The following PTPRD variants were observed in gnomAD, a reference collection of about 807,000 sequenced individuals.
The protein encoded by PTPRD is protein tyrosine phosphatase receptor type D.
PTPRD carries 34 observed loss-of-function variants against 214.5 expected under a neutral mutation model. The observed-to-expected ratio is 0.16, with a 90% CI of 0.12 to 0.21. PTPRD has a LOEUF of 0.21. Among genes scored for constraint, PTPRD ranks in the 10% least tolerant of loss-of-function variants. The pLI is 1.00. For missense variants in PTPRD, 2,545 were observed against 2,398.7 expected (o/e 1.06, Z -1.27); for synonymous variants, 1,128 against 845.7 (o/e 1.33, Z -5.79).
chr9:8,651,420 T>C (rs1041200527), intron 12 of PTPRD, among the ~76,000 whole-genome samples: 6 of 152,180 alleles, frequency 3.9e-5, no homozygotes, highest in African/African-American at 9.7e-5. Flanking sequence ...AGAACTCAAA[T>C]TGATGTTAAT....
intron 36 of PTPRD, among the ~76,000 whole-genome samples, chr9:8,391,336 G>C (rs969601513): frequency 5.9e-5 from 9 of 152,120 alleles, no homozygotes; most frequent in Non-Finnish European, 1.2e-4. Context: ...ACCAGCATTA[G>C]TTGAAAAGCC....
chr9:9,481,128 G>C (rs1381238618), intron 8 of PTPRD, among the ~76,000 whole-genome samples: 1 of 152,136 alleles, frequency 6.6e-6, no homozygotes, highest in Non-Finnish European at 1.5e-5. Context: ...GATGATGACA[G>C]TTAAGTGGTA....
chr9:9,430,260 A>G (rs2082572000), intron 8 of PTPRD, among the ~76,000 whole-genome samples: 1 of 152,106 alleles, frequency 6.6e-6, no homozygotes, highest in Non-Finnish European at 1.5e-5. Flanking sequence ...CACCAATAAC[A>G]GACAAACAGA....
At chr9:9,993,050 T>C (rs4604499) in intron 4 of PTPRD, among the ~76,000 whole-genome samples, 107,047 of 151,812 alleles carry the variant, frequency 0.71, 38,009 homozygotes, top group Middle Eastern at 0.78. Flanking sequence ...GTTAAATACA[T>C]ACTTTAGAAA....
At chr9:9,611,862 TTCTC>T (rs1030328148) in intron 7 of PTPRD, among the ~76,000 whole-genome samples, 2 of 152,128 alleles carry the variant, frequency 1.3e-5, no homozygotes, top group African/African-American at 4.8e-5. Flanking sequence ...GCTATGCTCA[TTCTC>T]TCTCTCATAC....
At chr9:8,676,085 C>T (rs1036816614) in intron 12 of PTPRD, among the ~76,000 whole-genome samples, 2 of 152,194 alleles carry the variant, frequency 1.3e-5, no homozygotes, top group African/African-American at 4.8e-5. Context: ...CAAACTATCT[C>T]CAGGTCCCTG....
intron 11 of PTPRD, among the ~76,000 whole-genome samples, chr9:8,817,851 C>T (rs1368432307): frequency 6.6e-6 from 1 of 151,972 alleles, no homozygotes. Context: ...AGATTTTGCT[C>T]CAAAACATTT....
intron 10 of PTPRD, among the ~76,000 whole-genome samples, chr9:9,054,083 C>A (rs1031985526): frequency 2.0e-5 from 3 of 152,120 alleles, no homozygotes; most frequent in African/African-American, 7.2e-5. Context: ...TATTGAGCTC[C>A]TGGTCCATGC....
At chr9:10,031,639 T>TACAC (rs1227970344) in intron 4 of PTPRD, among the ~76,000 whole-genome samples, 14 of 75,362 alleles carry the variant, frequency 1.9e-4, no homozygotes, top group African/African-American at 1.3e-3. Flanking sequence ...TATATATATA[T>TACAC]ATATATATAC....
intron 14 of PTPRD, among the ~76,000 whole-genome samples, chr9:8,599,613 CTTTTTTTTTTTT>C (rs1172437057): frequency 7.7e-4 from 41 of 53,438 alleles, no homozygotes; most frequent in Admixed American, 1.2e-3. Context: ...CCCGCCCACC[CTTTTTTTTTTTT>C]TTTTTTTTTT....
intron 11 of PTPRD, among the ~76,000 whole-genome samples, chr9:8,741,257 A>G (rs934233882): frequency 6.6e-5 from 10 of 152,204 alleles, no homozygotes; most frequent in African/African-American, 2.4e-4. Flanking sequence ...TCCCCTACAA[A>G]TAGAACTATA....
intron 9 of PTPRD, among the ~76,000 whole-genome samples, chr9:9,342,582 C>A (rs926819552): frequency 6.6e-6 from 1 of 152,044 alleles, no homozygotes; most frequent in East Asian, 1.9e-4. Context: ...GAAAGTACAG[C>A]CTTTTTGGGG....
chr9:8,757,669 T>C (rs761858405), intron 11 of PTPRD, among the ~76,000 whole-genome samples: 25 of 139,058 alleles, frequency 1.8e-4, no homozygotes, highest in Non-Finnish European at 3.5e-4. Flanking sequence ...TATATATACA[T>C]ACATATATAT....
rs1383061685 is a variant in PTPRD at position 8,316,879 on chromosome 9, A to AAATC, written c.*991_*994dup. ...TAGCTTTTCTACGTTTAAAAAAACT[A>AAATC]AATCATGGAAGAACTGACTGACTGA... is the stretch of plus-strand genomic sequence containing the variant. On this transcript the variant is annotated 3_prime_UTR_variant, in exon 46 of 46. Transcript: ENST00000381196. 4.4e-5 allele frequency: 10 copies of AAATC among 227,504 alleles called. No individual in the cohort carries two copies. Among genetic ancestry groups the AAATC allele is most frequent in the African/African-American group, 9.5e-5 (4 of 42,080 alleles). 14.1% of individuals were successfully genotyped at this position (227,504 alleles called of 1,614,324 possible).
At chr9:10,547,933 T>G (rs1292017196) in intron 2 of PTPRD, among the ~76,000 whole-genome samples, 4 of 152,100 alleles carry the variant, frequency 2.6e-5, no homozygotes, top group Admixed American at 2.6e-4. Flanking sequence ...AGTAATGGAT[T>G]TCTCTAAGTT....
chr9:9,335,805 T>C (rs2044213125), intron 9 of PTPRD, among the ~76,000 whole-genome samples: 2 of 152,088 alleles, frequency 1.3e-5, no homozygotes, highest in African/African-American at 4.8e-5. Flanking sequence ...AAAACGTAGA[T>C]GTCTAAACTT....
intron 3 of PTPRD, among the ~76,000 whole-genome samples, chr9:10,193,133 C>A (rs1397165957): frequency 1.3e-5 from 2 of 152,020 alleles, no homozygotes; most frequent in Non-Finnish European, 2.9e-5. Flanking sequence ...CTTTATCAAC[C>A]CCCTTCCCCG....
chr9:8,517,118 T>A (rs573224480), intron 21 of PTPRD, among the ~76,000 whole-genome samples: 4 of 151,950 alleles, frequency 2.6e-5, no homozygotes, highest in African/African-American at 9.6e-5. Context: ...AGAATAAACT[T>A]TAGAAGAGGC....
intron 10 of PTPRD, among the ~76,000 whole-genome samples, chr9:9,023,302 T>C (rs753239617): frequency 1.3e-5 from 2 of 152,120 alleles, no homozygotes; most frequent in Non-Finnish European, 2.9e-5. Context: ...TTCCAAGTTG[T>C]TACTAAGGCC....
Sources: allele counts gnomAD v4.1 joint callset (sites outside exome capture counted in the v4.1 genomes callset), GRCh38; gene constraint gnomAD v4.1.1; transcripts MANE v1.5; gene names NCBI Gene and HGNC (gene_info 2026-07-23, HGNC 2026-07-21).